The following ZFHX3 variants were observed in gnomAD, a reference collection of about 807,000 sequenced individuals.
ZFHX3 encodes zinc finger homeobox protein 3.
In ZFHX3, 42 loss-of-function variants were observed where a neutral mutation model predicts 279.1. That is an observed-to-expected ratio of 0.15 (90% CI 0.12 to 0.19). The LOEUF is 0.19. Among genes scored for constraint, ZFHX3 ranks in the 10% least tolerant of loss-of-function variants. The pLI, the probability that ZFHX3 is intolerant of heterozygous loss-of-function variation, is 1.00. For missense variants in ZFHX3, 4,981 were observed against 4,754.0 expected, an observed-to-expected ratio of 1.05 and a Z score of -1.40; for synonymous variants, 2,293 against 1,957.8, an observed-to-expected ratio of 1.17 and a Z score of -4.52.
intron 2 of ZFHX3, among the ~76,000 whole-genome samples, chr16:72,951,868 G>A (rs1006099017): frequency 3.3e-5 from 5 of 152,188 alleles, no homozygotes; most frequent in African/African-American, 9.7e-5. Flanking sequence ...GTGCAACTAC[G>A]GAACTGAATT....
chr16:73,713,160 A>G (rs530407405), intron 1 of ZFHX3, among the ~76,000 whole-genome samples: 42 of 152,348 alleles, frequency 2.8e-4, no homozygotes, highest in Non-Finnish European at 5.0e-4. Context: ...ACATGCTGGG[A>G]TAATGAAGTA....
At chr16:73,461,662 C>T (rs1020080697) in intron 2 of ZFHX3, among the ~76,000 whole-genome samples, 18 of 152,184 alleles carry the variant, frequency 1.2e-4, no homozygotes, top group Admixed American at 5.2e-4. Context: ...CACTGAACTG[C>T]TTTTATACCT....
chr16:73,875,077 A>G (rs1000290661), intron 1 of ZFHX3, among the ~76,000 whole-genome samples: 1 of 152,202 alleles, frequency 6.6e-6, no homozygotes, highest in African/African-American at 2.4e-5. Context: ...AAGACTCTGA[A>G]TACATTAAGG....
At chr16:73,215,599 A>G (rs1427931095) in intron 5 of ZFHX3, among the ~76,000 whole-genome samples, 3 of 152,050 alleles carry the variant, frequency 2.0e-5, no homozygotes, top group Admixed American at 1.3e-4. Flanking sequence ...TGCTCAATGG[A>G]TTGTTTCCTT....
intron 3 of ZFHX3, among the ~76,000 whole-genome samples, chr16:73,399,027 C>A (rs1375344007): frequency 7.7e-6 from 1 of 130,684 alleles, no homozygotes; most frequent in African/African-American, 2.9e-5. Flanking sequence ...ACCATGCCCC[C>A]CGCTAATTTT....
intron 5 of ZFHX3, among the ~76,000 whole-genome samples, chr16:73,158,190 A>C (rs1967141656): frequency 1.3e-5 from 2 of 152,076 alleles, no homozygotes; most frequent in African/African-American, 2.4e-5. Context: ...GGCATTTACC[A>C]CTCTGGGGAT....
rs756088886 is a variant in ZFHX3, at chr16:73,105,444, C to CATATATATATATATACACACACAT, written c.-896-11847_-896-11846insATGTGTGTGTATATATATATATAT. On this transcript the variant is annotated intron_variant, in intron 7 of 17. Coordinates refer to the ZFHX3 transcript ENST00000641206. Reference sequence around the variant, plus strand: ...ATATATATATATATACACACACACACATATATATATATATTTTTTCCCCCA... The same window carrying CATATATATATATATACACACACAT: ...ATATATATATATATACACACACACACATATATATATATATACACACACATATATATATATATATTTTTTCCCCCA... 8.8e-5 allele frequency among the ~76,000 whole-genome samples: 11 copies of CATATATATATATATACACACACAT among 125,498 alleles called. No homozygotes were observed. In the South Asian group the frequency reaches 1.1e-3, roughly 12 times the overall value. The allele number at this position is 125,498 out of a possible 152,430, so 82.3% of individuals were successfully genotyped here.
intron 4 of ZFHX3, among the ~76,000 whole-genome samples, chr16:73,313,755 T>C (rs2015381760): frequency 6.6e-6 from 1 of 152,218 alleles, no homozygotes; most frequent in African/African-American, 2.4e-5. Flanking sequence ...GGAGGTAGTA[T>C]GATGCTTAAT....
chr16:72,815,298 C>T (rs1049365916), intron 5 of ZFHX3, among the ~76,000 whole-genome samples: 5 of 151,744 alleles, frequency 3.3e-5, no homozygotes, highest in Admixed American at 3.3e-4. Flanking sequence ...GTCCTAGCTA[C>T]TCAGGAGGCT....
intron 4 of ZFHX3, among the ~76,000 whole-genome samples, chr16:72,872,128 C>G (rs539503959): frequency 1.3e-5 from 2 of 151,984 alleles, no homozygotes; most frequent in South Asian, 2.1e-4. Context: ...CAAGGAATTA[C>G]AAATTGAAAT....
At chr16:72,984,824 G>A (rs540206318) in intron 1 of ZFHX3, among the ~76,000 whole-genome samples, 6 of 152,062 alleles carry the variant, frequency 3.9e-5, no homozygotes, top group East Asian at 1.9e-4. Flanking sequence ...GGCCTCAACA[G>A]AATTTATACA....
intron 4 of ZFHX3, among the ~76,000 whole-genome samples, chr16:73,314,830 G>T (rs978150052): frequency 6.6e-6 from 1 of 152,224 alleles, no homozygotes; most frequent in African/African-American, 2.4e-5. Context: ...AACAGAGAAA[G>T]AATTTACTGA....
At chr16:73,290,927 A>G (rs2014753028) in intron 4 of ZFHX3, among the ~76,000 whole-genome samples, 1 of 152,214 alleles carries the variant, frequency 6.6e-6, no homozygotes, top group African/African-American at 2.4e-5. Flanking sequence ...AACATAGAGA[A>G]CTAGAAAACA....
chr16:73,702,723 C>T (rs2053261762), intron 1 of ZFHX3, among the ~76,000 whole-genome samples: 1 of 152,046 alleles, frequency 6.6e-6, no homozygotes, highest in Admixed American at 6.6e-5. Context: ...TAAGGTAGGA[C>T]TTCAGTGGAA....
At chr16:73,416,740 G>A (rs1268571826) in intron 3 of ZFHX3, among the ~76,000 whole-genome samples, 35 of 149,144 alleles carry the variant, frequency 2.3e-4, no homozygotes, top group East Asian at 5.8e-4. Context: ...CGGGTGCGGT[G>A]GCGGGCGCCT....
At chr16:73,484,026 C>A (rs549341010) in intron 2 of ZFHX3, among the ~76,000 whole-genome samples, 25 of 151,038 alleles carry the variant, frequency 1.7e-4, no homozygotes, top group Middle Eastern at 3.4e-3. Context: ...CTAGACAGTG[C>A]ACGGACTTGA....
intron 1 of ZFHX3, among the ~76,000 whole-genome samples, chr16:72,969,497 C>T (rs1044985402): frequency 2.6e-5 from 4 of 151,898 alleles, no homozygotes; most frequent in African/African-American, 7.3e-5. Flanking sequence ...AGTAAAAGGA[C>T]GAGGGCAGCC....
At chr16:73,700,611 C>G (rs79786625) in intron 1 of ZFHX3, among the ~76,000 whole-genome samples, 9,637 of 152,248 alleles carry the variant, frequency 0.063, 373 homozygotes, top group Non-Finnish European at 0.092. Context: ...AGTGAAGAAG[C>G]TATTACAGAC....
chr16:73,791,053 T>C (rs1959808537), intron 1 of ZFHX3, among the ~76,000 whole-genome samples: 1 of 151,640 alleles, frequency 6.6e-6, no homozygotes. Flanking sequence ...TAACCTCAAA[T>C]ACCTGGACTC....
Sources: allele counts gnomAD v4.1 joint callset (sites outside exome capture counted in the v4.1 genomes callset), GRCh38; gene constraint gnomAD v4.1.1; transcripts MANE v1.5; gene names NCBI Gene and HGNC (gene_info 2026-07-23, HGNC 2026-07-21).